Variants in TENM2 observed in about 807,000 individuals in gnomAD.
The protein encoded by TENM2 is teneurin-2.
Under a neutral mutation model 245.2 loss-of-function variants are expected in TENM2, and 52 were observed. That is an observed-to-expected ratio of 0.21 (90% CI 0.17 to 0.27). TENM2 has a LOEUF of 0.27. TENM2 is among the 10% of genes least tolerant of loss of function. TENM2 has a pLI of 1.00. For synonymous variants in TENM2, 1,363 were observed against 1,438.9 expected (o/e 0.95, Z 1.19); for missense variants, 3,046 against 3,666.8 (o/e 0.83, Z 4.37).
intron 2 of TENM2, among the ~76,000 whole-genome samples, chr5:167,463,539 C>T (rs1424766272): frequency 2.0e-5 from 3 of 150,938 alleles, no homozygotes; most frequent in Admixed American, 6.6e-5. Flanking sequence ...ACTTTTGTTG[C>T]CCAGGCTGGA....
At chr5:167,531,067 A>G (rs1005818910) in intron 2 of TENM2, among the ~76,000 whole-genome samples, 1 of 152,216 alleles carries the variant, frequency 6.6e-6, no homozygotes, top group African/African-American at 2.4e-5. Flanking sequence ...GGGGTGTCAC[A>G]GGACATCTAA....
At chr5:167,513,176 G>A (rs1770084660) in intron 2 of TENM2, among the ~76,000 whole-genome samples, 1 of 152,078 alleles carries the variant, frequency 6.6e-6, no homozygotes, top group Non-Finnish European at 1.5e-5. Flanking sequence ...AGGAATAATG[G>A]TTTACTTTGA....
At chr5:167,750,448 G>C (rs1395134192) in intron 2 of TENM2, among the ~76,000 whole-genome samples, 2 of 152,082 alleles carry the variant, frequency 1.3e-5, no homozygotes, top group Non-Finnish European at 2.9e-5. Flanking sequence ...CTTTTGACCT[G>C]CGCATTTTCT....
intron 1 of TENM2, among the ~76,000 whole-genome samples, chr5:167,340,545 C>T (rs924902733): frequency 6.6e-6 from 1 of 152,116 alleles, no homozygotes; most frequent in Admixed American, 6.5e-5. Context: ...GTAAGGGCAC[C>T]CTTCTATTGG....
the TENM2 span, among the ~76,000 whole-genome samples, chr5:167,204,493 C>T: frequency 1.3e-5 from 2 of 152,272 alleles, no homozygotes; most frequent in South Asian, 2.1e-4. Flanking sequence ...ATTCTTGCCC[C>T]TCACTGCAGG....
chr5:167,480,603 A>G (rs747821230), intron 2 of TENM2, among the ~76,000 whole-genome samples: 5 of 152,192 alleles, frequency 3.3e-5, no homozygotes, highest in African/African-American at 4.8e-5. Flanking sequence ...CAAAATCTAG[A>G]TGATTGCGAT....
At chr5:168,018,801 A>G (rs966558547) in intron 5 of TENM2, among the ~76,000 whole-genome samples, 6 of 152,178 alleles carry the variant, frequency 3.9e-5, no homozygotes, top group Non-Finnish European at 7.3e-5. Context: ...CATTCACTAA[A>G]AACTTCCTTC....
Position 168,203,503 on chromosome 5 carries a change from A to G in TENM2, c.3431-186A>G, listed in dbSNP as rs760912413. On this transcript the variant is annotated intron_variant, in intron 17 of 28. Coordinates refer to ENST00000518659, the Ensembl canonical transcript of TENM2. ...AAGTTTCAAGGTTGAGTTCAGCTCAAAAATCTGAATTTAATATTGTAGCAT... is the reference window on the plus strand; with the variant it reads ...AAGTTTCAAGGTTGAGTTCAGCTCAGAAATCTGAATTTAATATTGTAGCAT... Among the ~76,000 whole-genome samples, 45 of 152,324 alleles carry G rather than the reference A, an allele frequency of 3.0e-4. No individual in the cohort carries two copies. In the Middle Eastern group the frequency reaches 0.01, roughly 35 times the overall value.
At chr5:167,333,780 A>C (rs974556999) in intron 1 of TENM2, among the ~76,000 whole-genome samples, 4 of 152,246 alleles carry the variant, frequency 2.6e-5, no homozygotes, top group African/African-American at 9.6e-5. Context: ...ACAAGGCTGC[A>C]ATAAACCTGC....
intron 7 of TENM2, among the ~76,000 whole-genome samples, chr5:168,079,157 G>A (rs1335575006): frequency 6.6e-6 from 1 of 152,158 alleles, no homozygotes; most frequent in Admixed American, 6.5e-5. Context: ...TCCCTTGTAA[G>A]TTGGATTCCT....
the TENM2 span, among the ~76,000 whole-genome samples, chr5:167,021,657 A>G: frequency 2.0e-5 from 3 of 152,214 alleles, no homozygotes; most frequent in Admixed American, 6.5e-5. Context: ...TGACTCAAAC[A>G]TCTTTGTCTC....
chr5:168,122,228 G>T (rs1171382739), intron 10 of TENM2, among the ~76,000 whole-genome samples: 5 of 152,222 alleles, frequency 3.3e-5, no homozygotes, highest in Non-Finnish European at 7.3e-5. Flanking sequence ...CCAGGCTGGG[G>T]TGCAGTGGCG....
At chr5:167,205,458 TC>T in the TENM2 span, among the ~76,000 whole-genome samples, 6 of 152,338 alleles carry the variant, frequency 3.9e-5, no homozygotes, top group South Asian at 1.2e-3. Context: ...TGTTCTAACT[TC>T]TATGTCCACG....
intron 2 of TENM2, among the ~76,000 whole-genome samples, chr5:167,852,440 C>T (rs898190665): frequency 6.6e-6 from 1 of 152,304 alleles, no homozygotes; most frequent in South Asian, 2.1e-4. Flanking sequence ...GGAATCTAAT[C>T]TCCCCAAAAG....
At chr5:167,607,577 A>G (rs1777145801) in intron 2 of TENM2, among the ~76,000 whole-genome samples, 1 of 152,164 alleles carries the variant, frequency 6.6e-6, no homozygotes, top group Non-Finnish European at 1.5e-5. Context: ...CAACTAAGGC[A>G]TTGCTTCTCA....
intron 9 of TENM2, among the ~76,000 whole-genome samples, chr5:168,110,131 A>G (rs1794567909): frequency 6.7e-6 from 1 of 148,700 alleles, no homozygotes; most frequent in Admixed American, 6.8e-5. Flanking sequence ...GGAAACTTGT[A>G]CATGTGATGC....
chr5:167,990,574 A>C (rs1057303572), intron 4 of TENM2, among the ~76,000 whole-genome samples: 1 of 152,188 alleles, frequency 6.6e-6, no homozygotes, highest in Non-Finnish European at 1.5e-5. Context: ...AAATGGCACG[A>C]CCAGGACTAC....
chr5:167,278,526 C>A, the TENM2 span, among the ~76,000 whole-genome samples: 1 of 152,136 alleles, frequency 6.6e-6, no homozygotes, highest in African/African-American at 2.4e-5. Flanking sequence ...TTTCCCACTT[C>A]CTTATGGGTT....
intron 9 of TENM2, among the ~76,000 whole-genome samples, chr5:168,112,606 C>CTG (rs774514125): frequency 2.5e-3 from 162 of 64,110 alleles, no homozygotes; most frequent in African/African-American, 8.5e-3. Context: ...GTGCAGTGGG[C>CTG]GGGGGGGGGG....
Sources: allele counts gnomAD v4.1 joint callset (sites outside exome capture counted in the v4.1 genomes callset), GRCh38; gene constraint gnomAD v4.1.1; transcripts MANE v1.5; gene names NCBI Gene and HGNC (gene_info 2026-07-23, HGNC 2026-07-21).